SMYD3: variants seen among roughly 807,000 people sequenced by gnomAD.
SMYD3 encodes histone-lysine N-methyltransferase SMYD3.
Under a neutral mutation model 57.7 loss-of-function variants are expected in SMYD3, and 36 were observed. That is an observed-to-expected ratio of 0.62 (90% confidence interval 0.48 to 0.82). SMYD3 has a LOEUF of 0.82. SMYD3 is among the 40% of genes least tolerant of loss of function. The probability of loss-of-function intolerance (pLI) is 0.00; values close to 1 mark genes in which losing one functional copy is unlikely to be tolerated. For synonymous variants in SMYD3, 211 were observed against 195.0 expected (o/e 1.08, Z -0.68); for missense variants, 515 against 538.8 (o/e 0.96, Z 0.44).
intron 5 of SMYD3, among the ~76,000 whole-genome samples, chr1:246,125,325 G>C (rs1242066827): frequency 6.6e-6 from 1 of 152,070 alleles, no homozygotes; most frequent in African/African-American, 2.4e-5. Flanking sequence ...AATTTTATCT[G>C]AAGAATATGC....
intron 10 of SMYD3, among the ~76,000 whole-genome samples, chr1:245,806,833 C>A (rs2048184467): frequency 2.1e-5 from 3 of 144,480 alleles, no homozygotes; most frequent in Admixed American, 7.4e-5. Flanking sequence ...TGGCGTGAAC[C>A]CGGGAGGCGG....
intron 1 of SMYD3, among the ~76,000 whole-genome samples, chr1:246,463,848 A>AG (rs1243197618): frequency 1.3e-5 from 2 of 150,816 alleles, no homozygotes; most frequent in African/African-American, 4.8e-5. Flanking sequence ...AAAAAAAAAA[A>AG]AAAAAAAGAG....
intron 8 of SMYD3, among the ~76,000 whole-genome samples, chr1:245,864,495 G>A (rs547340138): frequency 9.2e-5 from 14 of 152,146 alleles, no homozygotes; most frequent in East Asian, 1.9e-4. Flanking sequence ...AATACGTTAC[G>A]CTAAGCGAGA....
At chr1:246,156,568 T>C (rs138634966) in intron 5 of SMYD3, among the ~76,000 whole-genome samples, 17 of 152,346 alleles carry the variant, frequency 1.1e-4, no homozygotes, top group Non-Finnish European at 2.1e-4. Flanking sequence ...AAAAGCCTGT[T>C]ATTTGTGAGG....
intron 1 of SMYD3, among the ~76,000 whole-genome samples, chr1:246,421,690 T>C (rs957521930): frequency 6.6e-6 from 1 of 152,140 alleles, no homozygotes; most frequent in African/African-American, 2.4e-5. Context: ...ATAGAAGAGA[T>C]GATTAAGTCT....
At chr1:245,990,166 C>A (rs1161983039) in intron 5 of SMYD3, among the ~76,000 whole-genome samples, 1 of 152,144 alleles carries the variant, frequency 6.6e-6, no homozygotes, top group East Asian at 1.9e-4. Flanking sequence ...ACTTCCTGGG[C>A]TAAAGTGATC....
chr1:246,058,155 A>G (rs2060185168), intron 5 of SMYD3, among the ~76,000 whole-genome samples: 1 of 152,268 alleles, frequency 6.6e-6, no homozygotes, highest in Non-Finnish European at 1.5e-5. Flanking sequence ...AGGTAAATAC[A>G]TATCAGTATT....
chr1:246,363,785 G>A (rs1376450202), intron 1 of SMYD3, among the ~76,000 whole-genome samples: 10 of 151,920 alleles, frequency 6.6e-5, no homozygotes, highest in Non-Finnish European at 1.3e-4. Context: ...CAAACACTGC[G>A]GAAGGCCGCA....
intron 5 of SMYD3, among the ~76,000 whole-genome samples, chr1:246,042,122 G>C (rs1430005243): frequency 6.6e-6 from 1 of 152,166 alleles, no homozygotes; most frequent in Non-Finnish European, 1.5e-5. Flanking sequence ...ACTGCAGAAA[G>C]CTTCAAGTTT....
chr1:246,503,508 C>G (rs2068488290), intron 1 of SMYD3, among the ~76,000 whole-genome samples: 2 of 152,214 alleles, frequency 1.3e-5, no homozygotes, highest in Non-Finnish European at 2.9e-5. Flanking sequence ...GAGCACTACA[C>G]TAGGGAGTGA....
At chr1:245,823,670 A>G (rs2049307032) in intron 10 of SMYD3, among the ~76,000 whole-genome samples, 1 of 152,170 alleles carries the variant, frequency 6.6e-6, no homozygotes, top group South Asian at 2.1e-4. Context: ...AAGTCGTTCA[A>G]TTCAGTTGTT....
chr1:246,330,975 A>G (rs1056274108), intron 3 of SMYD3, among the ~76,000 whole-genome samples: 3 of 152,144 alleles, frequency 2.0e-5, no homozygotes, highest in African/African-American at 7.2e-5. Context: ...TGCCTAAAAA[A>G]CATACAAAAA....
At chr1:246,448,658 CTGTGAT>C (rs1189035935) in intron 1 of SMYD3, among the ~76,000 whole-genome samples, 1 of 130,906 alleles carries the variant, frequency 7.6e-6, no homozygotes, top group East Asian at 2.2e-4. Context: ...GCCACACTAT[CTGTGAT>C]CATGCCTGGG....
At chr1:245,805,582 A>G (rs2048110176) in intron 10 of SMYD3, among the ~76,000 whole-genome samples, 1 of 152,206 alleles carries the variant, frequency 6.6e-6, no homozygotes, top group African/African-American at 2.4e-5. Flanking sequence ...TGGGGAAATA[A>G]AAGTTTATTT....
intron 1 of SMYD3, among the ~76,000 whole-genome samples, chr1:246,503,704 T>C (rs1306934089): frequency 6.6e-6 from 1 of 152,200 alleles, no homozygotes; most frequent in Non-Finnish European, 1.5e-5. Flanking sequence ...GGCTCACGCC[T>C]GTAATCCCAG....
chr1:246,362,855 C>T (rs1353987947), intron 1 of SMYD3, among the ~76,000 whole-genome samples: 1 of 151,902 alleles, frequency 6.6e-6, no homozygotes, highest in African/African-American at 2.4e-5. Context: ...CCCAAAGTGC[C>T]GAGATTGCAG....
chr1:246,507,076 C>A lies in SMYD3; in HGVS notation c.142G>T (p.Val48Phe). 1 of 1,515,238 alleles carries A rather than the reference C, an allele frequency of 6.6e-7. No individual in the cohort carries two copies. Among genetic ancestry groups the A allele is most frequent in the Non-Finnish European group, 8.8e-7 (1 of 1,131,120 alleles). The allele number at this position is 1,515,238 out of a possible 1,614,324, so 93.9% of individuals were successfully genotyped here. Residue 48 changes from valine to phenylalanine, a missense_variant, in exon 1 of 12, where the codon GTC (valine) becomes TTC (phenylalanine). Physicochemically the swap from Val to Phe is conservative, Grantham distance 50. Coordinates refer to ENST00000490107, the MANE Select transcript of SMYD3 (RefSeq NM_001167740.2). The part of the protein sequence containing the change: ...YTVCKGSRGV[V>F]CDRCLLGKEK... ...CACCCGAGAAGGCAGCGGTCGCAGA[C>A]GACGCCACGACTCCCCTTGCACACC... is the stretch of plus-strand genomic sequence containing the variant.
chr1:245,991,568 A>C (rs906573188), intron 5 of SMYD3, among the ~76,000 whole-genome samples: 1 of 152,178 alleles, frequency 6.6e-6, no homozygotes, highest in African/African-American at 2.4e-5. Context: ...TGGGGCATCT[A>C]AGCTCACTCC....
chr1:246,289,200 G>A (rs1027714465), intron 5 of SMYD3, among the ~76,000 whole-genome samples: 10 of 152,126 alleles, frequency 6.6e-5, no homozygotes, highest in African/African-American at 2.4e-4. Flanking sequence ...GAGCTGTGTG[G>A]CCTTCTCATA....
Sources: allele counts gnomAD v4.1 joint callset (sites outside exome capture counted in the v4.1 genomes callset), GRCh38; gene constraint gnomAD v4.1.1; transcripts MANE v1.5; gene names NCBI Gene and HGNC (gene_info 2026-07-23, HGNC 2026-07-21).